Variants in ADAMTSL1 observed in about 807,000 individuals in gnomAD.
ADAMTSL1 encodes ADAMTS-like protein 1.
ADAMTSL1 carries 126 observed loss-of-function variants against 201.8 expected under a neutral mutation model. The observed-to-expected ratio is 0.62, with a 90% confidence interval of 0.54 to 0.72. The LOEUF is 0.72. Among genes scored for constraint, ADAMTSL1 ranks in the 30% least tolerant of loss-of-function variants. The pLI, the probability that ADAMTSL1 is intolerant of heterozygous loss-of-function variation, is 0.00. For synonymous variants in ADAMTSL1, 1,121 were observed against 903.4 expected (o/e 1.24, Z -4.32); for missense variants, 2,679 against 2,277.8 (o/e 1.18, Z -3.59).
At position 18,721,547 on chromosome 9, in the gene ADAMTSL1, G is replaced by T. The variant is rs1564181164; in HGVS notation, c.1888G>T (p.Ala630Ser). The change falls in exon 15 of 29, where the codon GCT becomes TCT. Residue 630 changes from alanine to serine, a missense_variant. Transcript: ENST00000380548. ...TGATTTGTACACAGGTGTCCAGGAGGCTGTGGTGAGCTGCTTGAACAAACA... is the reference window on the plus strand; with the variant it reads ...TGATTTGTACACAGGTGTCCAGGAGTCTGTGGTGAGCTGCTTGAACAAACA... ...SESCGGGVQE[A>S]VVSCLNKQTR... The T allele has an allele frequency of 6.2e-7, 1 of 1,613,904 alleles. No homozygotes were observed.
intron 2 of ADAMTSL1, among the ~76,000 whole-genome samples, chr9:18,368,689 T>A (rs1219989054): frequency 6.6e-6 from 1 of 152,196 alleles, no homozygotes; most frequent in Admixed American, 6.5e-5. Flanking sequence ...ATCACAATTG[T>A]ATCACATGCT....
At chr9:18,825,780 T>A (rs1013975782) in intron 21 of ADAMTSL1, among the ~76,000 whole-genome samples, 4 of 151,688 alleles carry the variant, frequency 2.6e-5, no homozygotes, top group African/African-American at 4.9e-5. Flanking sequence ...GGTTTTTTTT[T>A]TTTTACTTAC....
intron 2 of ADAMTSL1, among the ~76,000 whole-genome samples, chr9:18,327,579 T>C (rs1449034036): frequency 6.6e-6 from 1 of 152,194 alleles, no homozygotes; most frequent in Non-Finnish European, 1.5e-5. Context: ...ACTTGGGGAC[T>C]TGGGGTTTCT....
rs981918565 is a variant in ADAMTSL1 at position 18,891,341 on chromosome 9, T to G, written c.4644-1048T>G. ...CCAGGTAGCTGTTTTTTAACCGTTT[T>G]GTTAGATAAATTTTCTCCATCACTA... On this transcript the variant is annotated intron_variant, in intron 25 of 28. Transcript: ENST00000380548. Among the ~76,000 whole-genome samples the G allele has an allele frequency of 3.9e-5, 6 of 152,196 alleles. 1 individual carries two copies. The highest frequency in any genetic ancestry group is 2.6e-4 in the Admixed American group (4 of 15,310).
intron 1 of ADAMTSL1, among the ~76,000 whole-genome samples, chr9:17,946,577 C>T (rs1827495253): frequency 6.6e-6 from 1 of 151,784 alleles, no homozygotes; most frequent in Non-Finnish European, 1.5e-5. Flanking sequence ...TTTTTTCATT[C>T]TGTGGTTGAA....
chr9:18,328,479 G>C (rs1466916666), intron 2 of ADAMTSL1, among the ~76,000 whole-genome samples: 1 of 152,086 alleles, frequency 6.6e-6, no homozygotes, highest in Non-Finnish European at 1.5e-5. Flanking sequence ...AACTCACTTA[G>C]CCCTCCTAAT....
intron 7 of ADAMTSL1, 95 bp downstream of exon 7, chr9:18,639,506 T>A: frequency 6.9e-7 from 1 of 1,455,214 alleles, no homozygotes; most frequent in Non-Finnish European, 9.3e-7. Context: ...TTCTGACATA[T>A]GTTTGGAAAG....
intron 14 of ADAMTSL1, among the ~76,000 whole-genome samples, chr9:18,721,285 T>C (rs985798936): frequency 3.3e-5 from 5 of 152,150 alleles, no homozygotes. Context: ...GGTAGCAGCC[T>C]CTCTTCTGTG....
At chr9:18,561,604 A>T (rs1821500930) in intron 3 of ADAMTSL1, among the ~76,000 whole-genome samples, 1 of 152,132 alleles carries the variant, frequency 6.6e-6, no homozygotes, top group African/African-American at 2.4e-5. Context: ...TGTCTTGTTG[A>T]TCTGTCTAAT....
chr9:18,130,378 G>T (rs1304189568), intron 1 of ADAMTSL1, among the ~76,000 whole-genome samples: 1 of 152,140 alleles, frequency 6.6e-6, no homozygotes, highest in Non-Finnish European at 1.5e-5. Flanking sequence ...TAAGCACTAT[G>T]ACTACATTCT....
chr9:18,061,072 G>A (rs1822432138), intron 1 of ADAMTSL1, among the ~76,000 whole-genome samples: 1 of 152,194 alleles, frequency 6.6e-6, no homozygotes, highest in South Asian at 2.1e-4. Context: ...TCTTAAGAAT[G>A]AACTTTATTT....
intron 1 of ADAMTSL1, among the ~76,000 whole-genome samples, chr9:18,488,075 A>G (rs1822087147): frequency 6.6e-6 from 1 of 152,220 alleles, no homozygotes; most frequent in Non-Finnish European, 1.5e-5. Context: ...TCCAATATCT[A>G]ACGAATAGAA....
At chr9:18,665,516 C>T (rs1295307491) in intron 9 of ADAMTSL1, among the ~76,000 whole-genome samples, 1 of 152,072 alleles carries the variant, frequency 6.6e-6, no homozygotes, top group East Asian at 1.9e-4. Flanking sequence ...AAGTTTACAA[C>T]AGCTTCCTAA....
chr9:18,686,596 T>C (rs1487643577), intron 13 of ADAMTSL1, among the ~76,000 whole-genome samples: 2 of 152,234 alleles, frequency 1.3e-5, no homozygotes, highest in Non-Finnish European at 2.9e-5. Flanking sequence ...TTAAATCTAT[T>C]TGAAACCAGT....
chr9:18,798,367 G>C (rs1822564249), intron 20 of ADAMTSL1, among the ~76,000 whole-genome samples: 1 of 152,182 alleles, frequency 6.6e-6, no homozygotes, highest in Non-Finnish European at 1.5e-5. Context: ...CATCTGGAAA[G>C]TGGTGCTAAT....
chr9:17,934,510 C>G (rs931944079), intron 1 of ADAMTSL1, among the ~76,000 whole-genome samples: 2 of 152,186 alleles, frequency 1.3e-5, no homozygotes, highest in Middle Eastern at 3.4e-3. Flanking sequence ...AGATAAATGG[C>G]TTGATTTTGA....
At chr9:18,032,301 A>T (rs1186846966) in intron 1 of ADAMTSL1, among the ~76,000 whole-genome samples, 1 of 152,152 alleles carries the variant, frequency 6.6e-6, no homozygotes, top group Non-Finnish European at 1.5e-5. Flanking sequence ...CCTTAGCTCA[A>T]TACCCCTCAG....
intron 1 of ADAMTSL1, among the ~76,000 whole-genome samples, chr9:17,924,935 A>C (rs1472882196): frequency 7.9e-6 from 1 of 126,004 alleles, no homozygotes; most frequent in South Asian, 2.9e-4. Flanking sequence ...AAATGGGAGA[A>C]AATTTTCGCA....
chr9:18,688,659 CAAAAAAAAAAAA>C (rs61505157), intron 13 of ADAMTSL1, among the ~76,000 whole-genome samples: 4 of 6,678 alleles, frequency 6.0e-4, no homozygotes, highest in Admixed American at 4.5e-3. Context: ...CAGAGCATTT[CAAAAAAAAAAAA>C]AAAAAAAAAA....
Sources: allele counts gnomAD v4.1 joint callset (sites outside exome capture counted in the v4.1 genomes callset), GRCh38; gene constraint gnomAD v4.1.1; transcripts MANE v1.5; gene names NCBI Gene and HGNC (gene_info 2026-07-23, HGNC 2026-07-21).